Variants in DNAH9 observed in about 807,000 individuals in gnomAD.
DNAH9 encodes DNAH9 variant protein.
DNAH9 carries 345 observed loss-of-function variants against 471.6 expected under a neutral mutation model. That is an observed-to-expected ratio of 0.73 (90% CI 0.67 to 0.80). The LOEUF is 0.80. Among genes scored for constraint, DNAH9 ranks in the 30% least tolerant of loss-of-function variants. The probability of loss-of-function intolerance (pLI) is 0.00; values close to 1 mark genes in which losing one functional copy is unlikely to be tolerated. For synonymous variants in DNAH9, 2,093 were observed against 2,123.6 expected (o/e 0.99, Z 0.40); for missense variants, 5,407 against 5,609.2 (o/e 0.96, Z 1.15).
chr17:11,911,102 A>G (rs1442103528), intron 61 of DNAH9, among the ~76,000 whole-genome samples: 3 of 152,198 alleles, frequency 2.0e-5, no homozygotes, highest in Non-Finnish European at 4.4e-5. Flanking sequence ...ATATTTATAA[A>G]ACGATTGCCA....
chr17:11,843,098 C>A (rs1335801679), intron 49 of DNAH9, among the ~76,000 whole-genome samples: 1 of 152,168 alleles, frequency 6.6e-6, no homozygotes, highest in African/African-American at 2.4e-5. Context: ...ATGACAGAAT[C>A]CAAGAGGCAC....
intron 12 of DNAH9, 77 bp downstream of exon 12, chr17:11,647,275 G>T: frequency 7.0e-7 from 1 of 1,433,368 alleles, no homozygotes; most frequent in South Asian, 1.3e-5. Context: ...AAAGCGTAAA[G>T]ACTTTTATTT....
chr17:11,752,669 A>C (rs1967208545), intron 32 of DNAH9, among the ~76,000 whole-genome samples, 164 bp from the exon 33 acceptor site: 2 of 152,198 alleles, frequency 1.3e-5, no homozygotes, highest in Admixed American at 1.3e-4. Flanking sequence ...CCATCTAAAA[A>C]AAAATAAAGT....
chr17:11,688,216 G>A (rs1281714341), intron 19 of DNAH9, among the ~76,000 whole-genome samples: 1 of 151,632 alleles, frequency 6.6e-6, no homozygotes, highest in African/African-American at 2.4e-5. Flanking sequence ...CCAGACTTAC[G>A]AGGATTAGAA....
At chr17:11,727,040 T>C (rs564781906) in intron 27 of DNAH9, among the ~76,000 whole-genome samples, 83 of 83,840 alleles carry the variant, frequency 9.9e-4, no homozygotes, top group African/African-American at 3.8e-3. Context: ...AGAGTGAGAC[T>C]CCGTCTCAAA....
At chr17:11,757,739 A>C (rs1209434314) in intron 35 of DNAH9, 47 bp downstream of exon 35, 4 of 1,597,828 alleles carry the variant, frequency 2.5e-6, no homozygotes, top group Non-Finnish European at 3.4e-6. Context: ...AGCAATAAAA[A>C]GCCCATGGGT....
At position 11,923,888 on chromosome 17, in the gene DNAH9, G is replaced by A; in HGVS notation, c.11824G>A (p.Ala3942Thr). The A allele has an allele frequency of 1.2e-6, 2 of 1,614,030 alleles. No individual in the cohort carries two copies. The highest frequency in any genetic ancestry group is 1.7e-6 in the Non-Finnish European group (2 of 1,179,964). Residue 3942 changes from alanine (A) to threonine (T), a missense_variant, in exon 62 of 69, where the codon GCT becomes ACT. Transcript: ENST00000262442. ...VSLGQGQEVV[A>T]EAALDLAAKK... ...TTTGGGGCAAGGACAGGAAGTGGTG[G>A]CTGAGGCTGCGCTGGACCTCGCTGC...
rs556763961 is a variant in DNAH9 at position 11,694,645 on chromosome 17, T to G, written c.4872+198T>G. ...TTCTTGCTTTCTTGCTTTCTTGCTT[T>G]CTCGCTTTCTCGCTTTCTCGCTTTC... On this transcript the variant is annotated intron_variant, in intron 22 of 68. Coordinates refer to ENST00000262442, the MANE Select transcript of DNAH9 (RefSeq NM_001372.4). Among the ~76,000 whole-genome samples the G allele has an allele frequency of 2.5e-3, 8 of 3,240 alleles. 1 individual carries two copies. Among genetic ancestry groups the G allele is most frequent in the Non-Finnish European group, 3.1e-3 (1 of 318 alleles). The allele number at this position is 3,240 out of a possible 152,430, so 2.1% of individuals were successfully genotyped here.
intron 49 of DNAH9, among the ~76,000 whole-genome samples, chr17:11,838,854 A>G (rs1970935022): frequency 6.6e-6 from 1 of 152,214 alleles, no homozygotes. Context: ...GACTGTCTTT[A>G]AACCCTTCTG....
At chr17:11,695,737 C>G (rs540330477) in intron 22 of DNAH9, among the ~76,000 whole-genome samples, 1 of 152,308 alleles carries the variant, frequency 6.6e-6, no homozygotes, top group African/African-American at 2.4e-5. Flanking sequence ...TTCTGATTCA[C>G]TACGTCTGGG....
rs1197653690 is a variant in DNAH9, at chr17:11,757,586, C to T, written c.6889C>T (p.Pro2297Ser). 21 of 1,613,948 alleles carry T rather than the reference C, an allele frequency of 1.3e-5. No individual in the cohort carries two copies. Among genetic ancestry groups the T allele is most frequent in the Non-Finnish European group, 1.8e-5 (21 of 1,179,824 alleles). ...INPADLGWNPPVSSWIEKREI... is the reference protein window; with the variant it reads ...INPADLGWNPSVSSWIEKREI... ...CCCGGCAGACTTGGGATGGAACCCTCCAGTGAGCAGCTGGATTGAGAAGAG... is the reference window on the plus strand; with the variant it reads ...CCCGGCAGACTTGGGATGGAACCCTTCAGTGAGCAGCTGGATTGAGAAGAG... Residue 2297 changes from proline to serine, a missense_variant, in exon 35 of 69, where the codon CCA becomes TCA. By Grantham distance (74) the Pro-to-Ser change is moderately conservative (BLOSUM62 -1). This residue lies in a region of DNAH9 where 4,636 missense variants were observed against 4,900.3 expected (regional missense o/e 0.95). Coordinates refer to ENST00000262442, the MANE Select transcript of DNAH9 (RefSeq NM_001372.4).
rs1976325934 is a variant in DNAH9 at position 11,962,719 on chromosome 17, A to C, written c.13233+463A>C. On this transcript the variant is annotated intron_variant, in intron 68 of 68. Transcript: ENST00000262442. The surrounding 1 kb of genome is among the most constrained non-coding windows in gnomAD (Gnocchi z 4.1). ...GTGTCTGTCGCCCAGGCTGGAGTAC[A>C]GTGGCACGATCTTAGCTCACTGCAA... 6.6e-6 allele frequency among the ~76,000 whole-genome samples: 1 copy of C among 152,150 alleles called. No individual in the cohort carries two copies. Among genetic ancestry groups the C allele is most frequent in the Admixed American group, 6.5e-5 (1 of 15,278 alleles).
At chr17:11,918,079 C>T (rs1974012176) in intron 61 of DNAH9, among the ~76,000 whole-genome samples, 1 of 152,174 alleles carries the variant, frequency 6.6e-6, no homozygotes, top group African/African-American at 2.4e-5. Context: ...AGGCCTGCTA[C>T]CAGATATGTT....
At chr17:11,661,012 T>C (rs1177931651) in intron 14 of DNAH9, among the ~76,000 whole-genome samples, 1 of 151,944 alleles carries the variant, frequency 6.6e-6, no homozygotes. Flanking sequence ...ATTTCAATTT[T>C]AGTTCTGTTA....
Position 11,943,055 on chromosome 17 carries a change from C to T in DNAH9, c.12843+570C>T, listed in dbSNP as rs556608105. On this transcript the variant is annotated intron_variant, in intron 67 of 68. Transcript: ENST00000262442. ...GGACTACAGGTGCCCGCCACCACGC[C>T]GGCTAATTTTTTGTATTTTTAGGAG... is the stretch of plus-strand genomic sequence containing the variant. Among the ~76,000 whole-genome samples the T allele has an allele frequency of 1.3e-4, 20 of 151,886 alleles. No homozygotes were observed. The South Asian group carries it at 3.3e-3, about 25-fold the overall frequency.
chr17:11,731,031 G>T (rs1413093209), intron 28 of DNAH9, among the ~76,000 whole-genome samples: 1 of 152,162 alleles, frequency 6.6e-6, no homozygotes, highest in Non-Finnish European at 1.5e-5. Context: ...TGATGATGAT[G>T]GTGGTGTCAG....
intron 26 of DNAH9, among the ~76,000 whole-genome samples, chr17:11,712,310 C>T (rs1346675526): frequency 6.7e-6 from 1 of 150,026 alleles, no homozygotes; most frequent in African/African-American, 2.5e-5. Flanking sequence ...ATAGATATAC[C>T]ACATGCTCTT....
intron 52 of DNAH9, chr17:11,873,393 T>C (rs1321762775): frequency 6.6e-6 from 1 of 152,204 alleles, no homozygotes. Flanking sequence ...GGAAAAAATA[T>C]ATTGGAACAC....
chr17:11,824,898 T>TCTCCTCTTCCTCCTCCTC (rs1970436459), intron 48 of DNAH9, among the ~76,000 whole-genome samples: 1 of 149,190 alleles, frequency 6.7e-6, no homozygotes, highest in African/African-American at 2.6e-5. Flanking sequence ...TCCTCCTCCT[T>TCTCCTCTTCCTCCTCCTC]CTCCTCTTCC....
Sources: gnomAD v4.1 joint callset for allele counts (sites outside exome capture counted in the v4.1 genomes callset) on GRCh38, gnomAD v4.1.1 for gene constraint, gnomAD v4.1.1 regional missense constraint, Gnocchi (gnomAD v3.1) non-coding constraint, MANE v1.5 for transcripts, NCBI Gene and HGNC (gene_info 2026-07-23, HGNC 2026-07-21) for gene names.